The following CFAP74 variants were observed in gnomAD, a reference collection of about 807,000 sequenced individuals.
CFAP74 encodes cilia and flagella associated protein 74.
Under a neutral mutation model 188.9 loss-of-function variants are expected in CFAP74, and 124 were observed. The ratio of observed to expected loss-of-function variants is 0.66; its 90% CI spans 0.57 to 0.76. The LOEUF (loss-of-function observed/expected upper bound fraction) is 0.76. CFAP74 is among the 30% of genes least tolerant of loss of function. The pLI is 0.00. For synonymous variants in CFAP74, 956 were observed against 916.7 expected (o/e 1.04, Z -0.77); for missense variants, 2,198 against 2,165.2 (o/e 1.02, Z -0.30).
At chr1:1,967,179 C>G (rs1286389067) in intron 11 of CFAP74, among the ~76,000 whole-genome samples, 1 of 152,176 alleles carries the variant, frequency 6.6e-6, no homozygotes, top group African/African-American at 2.4e-5. Flanking sequence ...GGGAAAAGCC[C>G]CAGGCTGACC....
intron 8 of CFAP74, 45 bp from the exon 9 acceptor site, chr1:1,972,127 C>T: frequency 2.7e-6 from 4 of 1,482,630 alleles, no homozygotes; most frequent in Non-Finnish European, 3.7e-6. Flanking sequence ...GTCGCCCAGG[C>T]TGGTGTGCAG....
chr1:1,926,816 G>A, intron 29 of CFAP74, 55 bp from the exon 30 acceptor site: 1 of 1,548,528 alleles, frequency 6.5e-7, no homozygotes, highest in South Asian at 1.2e-5. Flanking sequence ...GCCCGCCCAG[G>A]CCCCAGAGTT....
At position 1,992,307 on chromosome 1, in the gene CFAP74, G is replaced by A. The variant is rs546320606; in HGVS notation, c.-19-1332C>T. 7.2e-5 allele frequency among the ~76,000 whole-genome samples: 11 copies of A among 152,010 alleles called. No individual in the cohort carries two copies. In the East Asian group the frequency reaches 1.6e-3, roughly 21 times the overall value. ...AGCTTCACAAGTGCTAAGACTACACGCACATGCCGCCATGCCCAGGTAATT... is the reference window on the plus strand; with the variant it reads ...AGCTTCACAAGTGCTAAGACTACACACACATGCCGCCATGCCCAGGTAATT... On this transcript the variant is annotated intron_variant, in intron 1 of 38. Transcript: ENST00000682832.
rs1046335783 is a variant in CFAP74 at position 1,948,295 on chromosome 1, C to T, written c.2177-1241G>A. ...CCAGCAGCTTTTTGGTTTTTAGAGACGAGGTCTCACTCTGTTGCCCAGGCT... is the reference window on the plus strand; with the variant it reads ...CCAGCAGCTTTTTGGTTTTTAGAGATGAGGTCTCACTCTGTTGCCCAGGCT... On this transcript the variant is annotated intron_variant, in intron 18 of 38. Coordinates refer to ENST00000682832, the MANE Select transcript of CFAP74 (RefSeq NM_001304360.2). Among the ~76,000 whole-genome samples, 3 of 152,132 alleles carry T rather than the reference C, an allele frequency of 2.0e-5. No individual in the cohort carries two copies. In the South Asian group the frequency reaches 6.2e-4, roughly 32 times the overall value.
intron 18 of CFAP74, among the ~76,000 whole-genome samples, chr1:1,948,909 T>TC (rs1167894818): frequency 1.3e-4 from 5 of 37,314 alleles, no homozygotes; most frequent in Non-Finnish European, 1.9e-4. Flanking sequence ...TTCCCTTCCT[T>TC]CCTTCCCTTT....
intron 2 of CFAP74, among the ~76,000 whole-genome samples, 186 bp from the exon 3 acceptor site, chr1:1,989,159 T>TGA (rs139069192): frequency 6.7e-5 from 10 of 150,212 alleles, no homozygotes; most frequent in East Asian, 3.9e-4. Context: ...GCTGGCGCCT[T>TGA]GAGAGAGAGA....
chr1:1,939,500 C>T (rs776465892), intron 24 of CFAP74, 94 bp downstream of exon 24: 57 of 1,265,654 alleles, frequency 4.5e-5, no homozygotes, highest in South Asian at 1.3e-4. Flanking sequence ...CACATGCCCA[C>T]GCGTGGGGGA....
At chr1:1,927,882 CCG>C in intron 27 of CFAP74, 136 bp from the exon 28 acceptor site, 1 of 982,378 alleles carries the variant, frequency 1.0e-6, no homozygotes, top group Non-Finnish European at 1.5e-6. Context: ...CAAAAGCCGA[CCG>C]GCGCCCGAGG....
intron 1 of CFAP74, among the ~76,000 whole-genome samples, chr1:1,991,634 A>G (rs1038951919): frequency 2.0e-5 from 3 of 151,928 alleles, no homozygotes; most frequent in Non-Finnish European, 4.4e-5. Flanking sequence ...TTGGAATTCC[A>G]TAAGAAAAGA....
chr1:1,967,513 G>T (rs974133573), intron 11 of CFAP74, among the ~76,000 whole-genome samples: 1 of 152,182 alleles, frequency 6.6e-6, no homozygotes, highest in African/African-American at 2.4e-5. Flanking sequence ...GGATCGGCGG[G>T]TGCAAAGGCC....
chr1:1,973,712 A>T lies in CFAP74; in HGVS notation c.674+313T>A, dbSNP rs1475827772. Among the ~76,000 whole-genome samples, 1 of 151,826 alleles carries T rather than the reference A, an allele frequency of 6.6e-6. No individual in the cohort carries two copies. The highest frequency in any genetic ancestry group is 2.4e-5 in the African/African-American group (1 of 41,348). On this transcript the variant is annotated intron_variant, in intron 7 of 38. Transcript: ENST00000682832. The surrounding 1 kb of genome is among the most constrained non-coding windows in gnomAD (Gnocchi z 6.2). Reference sequence around the variant, plus strand: ...GAGAATGGCCTGGCTGGGAAGAGGAAGGGGCTGCCGGAGGGAAAGGGGAGG... The same window carrying T: ...GAGAATGGCCTGGCTGGGAAGAGGATGGGGCTGCCGGAGGGAAAGGGGAGG...
In CFAP74 at chr1:1,950,103, C is replaced by T. The variant is rs1318317052; in HGVS notation, c.2177-3049G>A. ...CTGGTGGCCATGCCATTCTGCATCC[C>T]CAGGGGCAGCATTAGAATTCCAGCT... On this transcript the variant is annotated intron_variant, in intron 18 of 38. Coordinates refer to ENST00000682832, the MANE Select transcript of CFAP74 (RefSeq NM_001304360.2). Among the ~76,000 whole-genome samples the T allele has an allele frequency of 2.6e-5, 4 of 152,164 alleles. No individual in the cohort carries two copies. In the East Asian group the frequency reaches 7.7e-4, roughly 29 times the overall value.
rs1216864666 is a variant in CFAP74, at chr1:1,940,384, C to T, written c.2635G>A (p.Ala879Thr). ...GTCTCCTTGTCAAAATACCTCCCTGCGTCCTCCGGGAGGGAGTGTCTGAAA... is the reference window on the plus strand; with the variant it reads ...GTCTCCTTGTCAAAATACCTCCCTGTGTCCTCCGGGAGGGAGTGTCTGAAA... ...FLPRHSLPED[A>T]GRYFDKETRV... The change falls in exon 23 of 39, where the codon GCA (alanine) becomes ACA (threonine). Residue 879 changes from alanine to threonine, a missense_variant. Transcript: ENST00000682832. 1.4e-5 allele frequency: 21 copies of T among 1,533,246 alleles called. No homozygotes were observed. The highest frequency in any genetic ancestry group is 1.7e-4 in the Middle Eastern group (1 of 5,984). 95.0% of individuals were successfully genotyped at this position (1,533,246 alleles called of 1,614,324 possible). A position where few individuals can be genotyped will look rare whatever the true frequency, so the allele number is the denominator to read the frequency against.
chr1:1,996,526 G>C (rs938064385), intron 1 of CFAP74, among the ~76,000 whole-genome samples: 1 of 152,082 alleles, frequency 6.6e-6, no homozygotes, highest in Admixed American at 6.6e-5. Flanking sequence ...TTCACTATGG[G>C]AGCTACTTTA....
intron 33 of CFAP74, among the ~76,000 whole-genome samples, chr1:1,924,893 C>T (rs1159565320): frequency 6.6e-6 from 1 of 152,254 alleles, no homozygotes; most frequent in Non-Finnish European, 1.5e-5. Context: ...ATGCAACGCC[C>T]GTCTCGGGCT....
At position 1,923,674 on chromosome 1, in the gene CFAP74, G is replaced by C; in HGVS notation, c.4389+101C>G. On this transcript the variant is annotated intron_variant, in intron 35 of 38. Transcript: ENST00000682832. This position sits in a 1 kb window ranked among gnomAD's most constrained non-coding sequence, Gnocchi z 6.3. ...GTGTGGTGCTGAGTCCCCCAGCCAT[G>C]GTACCCTCAGGGCCTCCAAAGTGGA... 6.4e-7 allele frequency: 1 copy of C among 1,567,522 alleles called. No individual in the cohort carries two copies. Among genetic ancestry groups the C allele is most frequent in the Non-Finnish European group, 8.7e-7 (1 of 1,142,952 alleles).
In CFAP74 at chr1:1,939,762, C is replaced by T. The variant is rs1205973460; in HGVS notation, c.2709G>A (p.Lys903=). Residue 903 remains lysine, a synonymous_variant, in exon 24 of 39, where the codon AAG becomes AAA. Coordinates refer to ENST00000682832, the MANE Select transcript of CFAP74 (RefSeq NM_001304360.2). Reference sequence around the variant, plus strand: ...TGGCATGCACGGTGAATCCCACTGGCTTGTTCTGAGACATAAAGGGCACAG... The same window carrying T: ...TGGCATGCACGGTGAATCCCACTGGTTTGTTCTGAGACATAAAGGGCACAG... ...PMTIWVADQN[K]PVGFTVHAIV... 1 of 1,535,658 alleles carries T rather than the reference C, an allele frequency of 6.5e-7. No homozygotes were observed. Among genetic ancestry groups the T allele is most frequent in the South Asian group, 1.2e-5 (1 of 84,052 alleles).
At chr1:1,994,472 GAAAC>G (rs1657805554) in intron 1 of CFAP74, among the ~76,000 whole-genome samples, 1 of 152,144 alleles carries the variant, frequency 6.6e-6, no homozygotes, top group African/African-American at 2.4e-5. Context: ...AACTTACAAA[GAAAC>G]AATTGCATTT....
intron 25 of CFAP74, among the ~76,000 whole-genome samples, chr1:1,931,563 C>T (rs1383150379): frequency 3.6e-5 from 5 of 138,438 alleles, no homozygotes; most frequent in African/African-American, 5.3e-5. Flanking sequence ...GGCGAAACCC[C>T]GTCGCTACTA....
Sources: allele counts gnomAD v4.1 joint callset (sites outside exome capture counted in the v4.1 genomes callset), GRCh38; gene constraint gnomAD v4.1.1; non-coding constraint Gnocchi (gnomAD v3.1); transcripts MANE v1.5; gene names NCBI Gene and HGNC (gene_info 2026-07-23, HGNC 2026-07-21).